The following TET1 variants were observed in gnomAD, a reference collection of about 807,000 sequenced individuals.
TET1 encodes the protein tet methylcytosine dioxygenase 1.
A neutral mutation model predicts 148.7 loss-of-function variants in TET1; 13 were observed. The ratio of observed to expected loss-of-function variants is 0.09; its 90% CI spans 0.06 to 0.14. TET1 has a LOEUF of 0.14. TET1 is among the 10% of genes least tolerant of loss of function. The pLI is 1.00. For missense variants in TET1, 2,182 were observed against 2,553.8 expected (o/e 0.85, Z 3.14); for synonymous variants, 907 against 937.2 (o/e 0.97, Z 0.59).
intron 3 of TET1, among the ~76,000 whole-genome samples, chr10:68,635,105 A>G (rs184765901): frequency 6.0e-5 from 9 of 150,454 alleles, no homozygotes; most frequent in Admixed American, 1.3e-4. Flanking sequence ...ATATATATAT[A>G]TAATATATAT....
chr10:68,688,496 G>A (rs1325639280), intron 11 of TET1, among the ~76,000 whole-genome samples: 4 of 136,248 alleles, frequency 2.9e-5, no homozygotes, highest in Non-Finnish European at 6.1e-5. Flanking sequence ...GTGCAGTGGC[G>A]CAATCTCAGC....
At chr10:68,631,786 C>A (rs2054575588) in intron 3 of TET1, among the ~76,000 whole-genome samples, 2 of 152,016 alleles carry the variant, frequency 1.3e-5, no homozygotes, top group African/African-American at 2.4e-5. Flanking sequence ...AAAGCTGAGA[C>A]GTAAATAGAC....
chr10:68,595,961 TACAC>T (rs781144879), intron 2 of TET1, among the ~76,000 whole-genome samples: 824 of 36,676 alleles, frequency 0.022, 14 homozygotes, highest in Non-Finnish European at 0.026. Context: ...TATATATATA[TACAC>T]ACACACACAC....
rs2054830189 is a variant in TET1 at position 68,645,539 on chromosome 10, T to C, written c.2810T>C (p.Val937Ala). Residue 937 changes from valine (V) to alanine (A), a missense_variant, in exon 4 of 12, where the codon GTA becomes GCA. By Grantham distance (64) the Val-to-Ala change is moderately conservative. Transcript: ENST00000373644. The part of the protein sequence containing the change: ...LNSCKAILYT[V>A]RKDLQDPNLQ... ...AGCTGCAAAGCTATCCTCTACACTG[T>C]AAGAAAAGACCTCCAAGACCCAAAC... 1 of 1,614,112 alleles carries C rather than the reference T, an allele frequency of 6.2e-7. No individual in the cohort carries two copies. The highest frequency in any genetic ancestry group is 1.1e-5 in the South Asian group (1 of 91,076).
At chr10:68,592,044 A>G (rs1490424372) in intron 2 of TET1, among the ~76,000 whole-genome samples, 1 of 152,124 alleles carries the variant, frequency 6.6e-6, no homozygotes, top group African/African-American at 2.4e-5. Flanking sequence ...TTGACTGGGT[A>G]TGGTGGCTCA....
chr10:68,593,455 CTT>C (rs944654385), intron 2 of TET1, among the ~76,000 whole-genome samples: 2 of 151,638 alleles, frequency 1.3e-5, no homozygotes, highest in African/African-American at 4.8e-5. Context: ...AATTTTTTCA[CTT>C]TTTATGATGG....
intron 2 of TET1, among the ~76,000 whole-genome samples, chr10:68,587,469 C>T (rs2053873526): frequency 6.6e-6 from 1 of 152,170 alleles, no homozygotes; most frequent in Non-Finnish European, 1.5e-5. Context: ...CTGGGCAACA[C>T]AGAAGTTAAG....
At chr10:68,661,197 T>C (rs12779442) in intron 6 of TET1, among the ~76,000 whole-genome samples, 1 of 76,598 alleles carries the variant, frequency 1.3e-5, no homozygotes, top group African/African-American at 9.1e-5. Context: ...GCCTGGCTAA[T>C]TTTTTTTTTT....
At chr10:68,563,481 C>T (rs2053575685) in intron 1 of TET1, among the ~76,000 whole-genome samples, 1 of 152,228 alleles carries the variant, frequency 6.6e-6, no homozygotes, top group Non-Finnish European at 1.5e-5. Context: ...CAGTCTCTTG[C>T]AACTAGCTCT....
At chr10:68,684,562 T>C (rs2030057) in intron 10 of TET1, among the ~76,000 whole-genome samples, 120,162 of 151,924 alleles carry the variant, frequency 0.79, 47,785 homozygotes, top group East Asian at 0.84. Flanking sequence ...GTGATCAGGC[T>C]GAAGTCAGTT....
intron 8 of TET1, among the ~76,000 whole-genome samples, chr10:68,680,584 G>A (rs2055422827): frequency 6.6e-6 from 1 of 152,202 alleles, no homozygotes; most frequent in Admixed American, 6.5e-5. Flanking sequence ...GTGAGCTCAA[G>A]TGATCTGCCC....
chr10:68,596,027 C>CACACACATATATAT (rs71470531), intron 2 of TET1, among the ~76,000 whole-genome samples: 7 of 61,762 alleles, frequency 1.1e-4, no homozygotes, highest in African/African-American at 2.1e-4. Context: ...CACACACACA[C>CACACACATATATAT]ATATATATAT....
chr10:68,641,324 G>A (rs998728973), intron 3 of TET1, among the ~76,000 whole-genome samples: 1 of 149,578 alleles, frequency 6.7e-6, no homozygotes, highest in Non-Finnish European at 1.5e-5. Context: ...TGCCTGAGAG[G>A]CAGGGTGTCA....
At chr10:68,683,658 C>T (rs771006253) in intron 10 of TET1, among the ~76,000 whole-genome samples, 6 of 152,184 alleles carry the variant, frequency 3.9e-5, no homozygotes, top group Non-Finnish European at 8.8e-5. Flanking sequence ...GTGATCCGCC[C>T]ACCTTGGCCT....
rs541274933 is a variant in TET1 at position 68,666,616 on chromosome 10, A to G, written c.4462-429A>G. 6.6e-5 allele frequency among the ~76,000 whole-genome samples: 10 copies of G among 152,308 alleles called. 1 individual carries two copies. In the South Asian group the frequency reaches 2.1e-3, roughly 32 times the overall value. ...ATAACAGCAGTGAAATAAAACACAG[A>G]CTGCCTTGTACTACTTCTACAAATA... On this transcript the variant is annotated intron_variant, in intron 6 of 11. Coordinates refer to ENST00000373644, the MANE Select transcript of TET1 (RefSeq NM_030625.3).
At chr10:68,571,442 T>G (rs1379691576) in intron 1 of TET1, among the ~76,000 whole-genome samples, 1 of 151,930 alleles carries the variant, frequency 6.6e-6, no homozygotes, top group African/African-American at 2.4e-5. Flanking sequence ...TAGTTGAGAT[T>G]ATAGGTGTGC....
At chr10:68,585,274 G>A (rs535662912) in intron 2 of TET1, among the ~76,000 whole-genome samples, 7 of 152,222 alleles carry the variant, frequency 4.6e-5, no homozygotes, top group African/African-American at 1.7e-4. Flanking sequence ...AAAGTGCTGG[G>A]ATTACAGGCG....
In TET1 at chr10:68,573,368, GATC is replaced by G. The variant is rs2053692500; in HGVS notation, c.1035_1037del (p.His345del). 1.2e-6 allele frequency: 2 copies of G among 1,614,150 alleles called. No homozygotes were observed. The highest frequency in any genetic ancestry group is 1.7e-6 in the Non-Finnish European group (2 of 1,180,044). On this transcript the variant is annotated inframe_deletion, in exon 2 of 12. Transcript: ENST00000373644. Reference sequence around the variant, plus strand: ...ACAAGCGACCCTTGGTGCTAAACCAGATCATCAAGAGGCCTTCGAAGCTACTGC... The same window carrying G: ...ACAAGCGACCCTTGGTGCTAAACCAGATCAAGAGGCCTTCGAAGCTACTGC...
In TET1 at chr10:68,691,674, G is replaced by A; in HGVS notation, c.6271G>A (p.Gly2091Ser). ...GCAAAAAGACCAGGCAGCTAATGAAGGTCCAGAACAGTCCTCTGAAGTAAA... is the reference window on the plus strand; with the variant it reads ...GCAAAAAGACCAGGCAGCTAATGAAAGTCCAGAACAGTCCTCTGAAGTAAA... ...SEQKDQAANE[G>S]PEQSSEVNEL... The change falls in exon 12 of 12, where the codon GGT becomes AGT. Residue 2091 changes from glycine to serine, a missense_variant. Transcript: ENST00000373644. The surrounding 1 kb of genome is among the most constrained non-coding windows in gnomAD (Gnocchi z 4.4). The A allele has an allele frequency of 2.5e-6, 4 of 1,614,156 alleles. No individual in the cohort carries two copies. Among genetic ancestry groups the A allele is most frequent in the Non-Finnish European group, 3.4e-6 (4 of 1,180,030 alleles).
Sources: gnomAD v4.1 joint callset for allele counts (sites outside exome capture counted in the v4.1 genomes callset) on GRCh38, gnomAD v4.1.1 for gene constraint, Gnocchi (gnomAD v3.1) non-coding constraint, MANE v1.5 for transcripts, NCBI Gene and HGNC (gene_info 2026-07-23, HGNC 2026-07-21) for gene names.